GLT1D1: variants seen among roughly 807,000 people sequenced by gnomAD.
GLT1D1 encodes the protein glycosyltransferase 1 domain-containing protein 1.
A neutral mutation model predicts 28.7 loss-of-function variants in GLT1D1; 21 were observed. That is an observed-to-expected ratio of 0.73 (90% confidence interval 0.52 to 1.05). GLT1D1 has a LOEUF of 1.05. Ranked by LOEUF, GLT1D1 falls within the 50% of genes least tolerant of loss-of-function variation. The probability of loss-of-function intolerance (pLI) is 0.00; values close to 1 mark genes in which losing one functional copy is unlikely to be tolerated. For synonymous variants in GLT1D1, 147 were observed against 124.8 expected (o/e 1.18, Z -1.19); for missense variants, 343 against 330.6 (o/e 1.04, Z -0.29).
chr12:128,906,942 A>T (rs754832071), intron 4 of GLT1D1: 1 of 702,626 alleles, frequency 1.4e-6, no homozygotes, highest in African/African-American at 1.7e-5. Context: ...TCACAAGTGC[A>T]GTTCCTGTAC....
At chr12:128,946,156 C>T (rs1469446532) in intron 5 of GLT1D1, among the ~76,000 whole-genome samples, 1 of 152,090 alleles carries the variant, frequency 6.6e-6, no homozygotes, top group East Asian at 1.9e-4. Context: ...GGAAGGGAGG[C>T]CTGGCAGAGC....
At chr12:128,965,947 A>C (rs926009596) in intron 7 of GLT1D1, among the ~76,000 whole-genome samples, 1 of 152,200 alleles carries the variant, frequency 6.6e-6, no homozygotes, top group Non-Finnish European at 1.5e-5. Context: ...AAGAGTTTCC[A>C]GTGATGCCAA....
At chr12:128,892,743 A>G (rs1206900577) in intron 3 of GLT1D1, among the ~76,000 whole-genome samples, 2 of 152,038 alleles carry the variant, frequency 1.3e-5, no homozygotes, top group Non-Finnish European at 2.9e-5. Flanking sequence ...TTTTTCCTAT[A>G]GGGTCTATTT....
At chr12:128,935,256 T>C (rs1874422048) in intron 4 of GLT1D1, among the ~76,000 whole-genome samples, 1 of 152,136 alleles carries the variant, frequency 6.6e-6, no homozygotes, top group African/African-American at 2.4e-5. Flanking sequence ...CTTTATGAAA[T>C]AGTAGAGTAG....
chr12:128,960,098 G>A (rs1372796507), intron 7 of GLT1D1, among the ~76,000 whole-genome samples: 1 of 152,160 alleles, frequency 6.6e-6, no homozygotes, highest in African/African-American at 2.4e-5. Context: ...CTTCCTGTGA[G>A]CCATCAGACA....
At chr12:128,932,933 A>G (rs927214071) in intron 4 of GLT1D1, among the ~76,000 whole-genome samples, 1 of 152,166 alleles carries the variant, frequency 6.6e-6, no homozygotes, top group East Asian at 1.9e-4. Flanking sequence ...CTACGTTTCT[A>G]AGGTCTCGCG....
At chr12:128,883,906 A>G (rs935294801) in intron 2 of GLT1D1, among the ~76,000 whole-genome samples, 1 of 152,214 alleles carries the variant, frequency 6.6e-6, no homozygotes, top group African/African-American at 2.4e-5. Context: ...ACATGGCATG[A>G]CATAGAAGGG....
At chr12:128,862,050 C>T (rs961312307) in intron 1 of GLT1D1, among the ~76,000 whole-genome samples, 18 of 152,132 alleles carry the variant, frequency 1.2e-4, no homozygotes, top group Admixed American at 7.9e-4. Flanking sequence ...CCATTGAGGC[C>T]AGCCGCGGTG....
intron 7 of GLT1D1, among the ~76,000 whole-genome samples, chr12:128,964,673 A>C (rs998507387): frequency 3.9e-5 from 6 of 152,166 alleles, no homozygotes; most frequent in Non-Finnish European, 8.8e-5. Flanking sequence ...AACCCAGTTA[A>C]CTAGTTTGTA....
At chr12:128,944,518 G>T (rs1358302963) in intron 4 of GLT1D1, 3 of 957,476 alleles carry the variant, frequency 3.1e-6, no homozygotes, top group African/African-American at 1.6e-5. Context: ...CACAGTTGTG[G>T]GAGGGTTGAA....
intron 7 of GLT1D1, among the ~76,000 whole-genome samples, chr12:128,971,596 C>T: frequency 2.4e-5 from 2 of 81,852 alleles, no homozygotes; most frequent in Non-Finnish European, 2.5e-5. Flanking sequence ...CTTCTTCCCT[C>T]CTTTCCTCTC....
chr12:128,856,781 A>G (rs1161554677), intron 1 of GLT1D1, among the ~76,000 whole-genome samples: 1 of 152,200 alleles, frequency 6.6e-6, no homozygotes, highest in Non-Finnish European at 1.5e-5. Flanking sequence ...AAACAAAAAA[A>G]GATGGTGAAA....
At chr12:128,910,264 C>CTAACTCT (rs1444563633) in intron 4 of GLT1D1, among the ~76,000 whole-genome samples, 5 of 114,294 alleles carry the variant, frequency 4.4e-5, no homozygotes, top group Non-Finnish European at 9.0e-5. Flanking sequence ...AAGTTTAACT[C>CTAACTCT]TTTTTTTTTT....
chr12:128,933,015 A>T lies in GLT1D1; in HGVS notation c.376-12311A>T, dbSNP rs145899104. On this transcript the variant is annotated intron_variant, in intron 4 of 7. Coordinates refer to ENST00000281703, the MANE Select transcript of GLT1D1 (RefSeq NM_144669.3). ...ACTCCCCCGGTCCCACTGAAGCCTCACAGCGTGGGGGGCCTCTGGGCAGGT... is the reference window on the plus strand; with the variant it reads ...ACTCCCCCGGTCCCACTGAAGCCTCTCAGCGTGGGGGGCCTCTGGGCAGGT... Among the ~76,000 whole-genome samples the T allele has an allele frequency of 1.7e-3, 252 of 152,280 alleles. 2 individuals are homozygous for T. Among genetic ancestry groups the T allele is most frequent in the Non-Finnish European group, 3.2e-3 (217 of 68,022 alleles).
At chr12:128,882,645 G>C (rs1618057) in intron 2 of GLT1D1, among the ~76,000 whole-genome samples, 2,130 of 152,128 alleles carry the variant, frequency 0.014, 54 homozygotes, top group African/African-American at 0.049. Flanking sequence ...TTATATGAAC[G>C]TCAAAGTAAC....
intron 3 of GLT1D1, among the ~76,000 whole-genome samples, chr12:128,894,557 G>A (rs1004431019): frequency 9.2e-5 from 14 of 151,800 alleles, no homozygotes; most frequent in Admixed American, 2.6e-4. Flanking sequence ...GTATGGACTC[G>A]TGGGGGCCGG....
chr12:128,883,581 C>A (rs1366411662), intron 2 of GLT1D1, among the ~76,000 whole-genome samples: 2 of 135,848 alleles, frequency 1.5e-5, no homozygotes, highest in East Asian at 2.1e-4. Flanking sequence ...CAGAGCTAGA[C>A]TCCATCTCAA....
intron 4 of GLT1D1, among the ~76,000 whole-genome samples, chr12:128,925,432 G>A (rs777524762): frequency 6.6e-6 from 1 of 152,166 alleles, no homozygotes; most frequent in Non-Finnish European, 1.5e-5. Flanking sequence ...GAGAACATTC[G>A]GTTTTTAGTT....
intron 4 of GLT1D1, among the ~76,000 whole-genome samples, chr12:128,934,859 G>A (rs1414855261): frequency 6.6e-6 from 1 of 152,146 alleles, no homozygotes; most frequent in African/African-American, 2.4e-5. Flanking sequence ...TTCTCTTCAA[G>A]GACGGGGTCC....
Sources: gnomAD v4.1 joint callset for allele counts (sites outside exome capture counted in the v4.1 genomes callset) on GRCh38, gnomAD v4.1.1 for gene constraint, MANE v1.5 for transcripts, NCBI Gene and HGNC (gene_info 2026-07-23, HGNC 2026-07-21) for gene names.